The following RBM47 variants were observed in gnomAD, a reference collection of about 807,000 sequenced individuals.
RBM47 encodes RNA binding motif protein 47.
RBM47 carries 21 observed loss-of-function variants against 47.1 expected under a neutral mutation model. The ratio of observed to expected loss-of-function variants is 0.45; its 90% CI spans 0.32 to 0.64. RBM47 has a LOEUF of 0.64. Ranked by LOEUF, RBM47 falls within the 30% of genes least tolerant of loss-of-function variation. The pLI is 0.05. For synonymous variants in RBM47, 375 were observed against 361.7 expected, an observed-to-expected ratio of 1.04 and a Z score of -0.42; for missense variants, 708 against 870.9, an observed-to-expected ratio of 0.81 and a Z score of 2.35.
At chr4:40,427,448 T>C (rs1271447056) in intron 6 of RBM47, 1 of 152,218 alleles carries the variant, frequency 6.6e-6, no homozygotes, top group Non-Finnish European at 1.5e-5. Flanking sequence ...ACATAAGATG[T>C]TTTCAGAACA....
At chr4:40,560,634 C>A (rs1730518799) in intron 1 of RBM47, among the ~76,000 whole-genome samples, 1 of 152,170 alleles carries the variant, frequency 6.6e-6, no homozygotes, top group Non-Finnish European at 1.5e-5. Flanking sequence ...ATGATGCAGC[C>A]ATCTATGCCC....
intron 1 of RBM47, among the ~76,000 whole-genome samples, chr4:40,545,622 C>T (rs1053953811): frequency 2.4e-4 from 34 of 144,634 alleles, no homozygotes; most frequent in African/African-American, 6.4e-4. Flanking sequence ...CAAGATCACG[C>T]GATTGCTCTC....
At chr4:40,625,284 GAAAC>G in intron 1 of RBM47, among the ~76,000 whole-genome samples, 2 of 152,098 alleles carry the variant, frequency 1.3e-5, no homozygotes, top group Non-Finnish European at 2.9e-5. Flanking sequence ...TGATCTAAGA[GAAAC>G]AACACCTGAA....
In RBM47 at chr4:40,435,663, A is replaced by G. The variant is rs139905063; in HGVS notation, c.1330+778T>C. Among the ~76,000 whole-genome samples, 101 of 152,290 alleles carry G rather than the reference A, an allele frequency of 6.6e-4. No homozygotes were observed. In the Middle Eastern group the frequency reaches 0.01, roughly 15 times the overall value. On this transcript the variant is annotated intron_variant, in intron 5 of 6. Transcript: ENST00000295971. Reference sequence around the variant, plus strand: ...TGAAGGGGAATTTTCTGCCCTTCCAAACAACTCTCAGAATGGGGCAATAAG... The same window carrying G: ...TGAAGGGGAATTTTCTGCCCTTCCAGACAACTCTCAGAATGGGGCAATAAG...
chr4:40,507,578 G>A (rs931342148), intron 2 of RBM47, among the ~76,000 whole-genome samples: 6 of 152,106 alleles, frequency 3.9e-5, no homozygotes, highest in African/African-American at 9.7e-5. Flanking sequence ...CATGAAGTCA[G>A]GAATTCAAGA....
chr4:40,596,215 A>C (rs2154276287), intron 1 of RBM47, among the ~76,000 whole-genome samples: 1 of 152,370 alleles, frequency 6.6e-6, no homozygotes, highest in East Asian at 1.9e-4. Flanking sequence ...GGGAAAAGGA[A>C]GAGCAAGAGG....
At chr4:40,536,290 G>A (rs1482548309) in intron 2 of RBM47, among the ~76,000 whole-genome samples, 2 of 152,082 alleles carry the variant, frequency 1.3e-5, no homozygotes, top group Admixed American at 6.6e-5. Flanking sequence ...AGTGCAGCCC[G>A]GGATGAGGCC....
In RBM47 at chr4:40,443,717, CAAAAAAAAAAAAAAAAAAAAAA is replaced by C. The variant is rs10581870; in HGVS notation, c.-31-4815_-31-4794del. ...GGGCAACAAGAGTGAAACTCCTTCT[CAAAAAAAAAAAAAAAAAAAAAA>C]AAAAAAAAAAAAAGGTACACTGACT... On this transcript the variant is annotated intron_variant, in intron 3 of 6. Coordinates refer to ENST00000295971, the MANE Select transcript of RBM47 (RefSeq NM_001098634.2). 5.5e-3 allele frequency among the ~76,000 whole-genome samples: 263 copies of C among 47,778 alleles called. 8 individuals carry two copies. In the East Asian group the frequency reaches 0.1, roughly 18 times the overall value. 31.3% of individuals were successfully genotyped at this position (47,778 alleles called of 152,430 possible).
At chr4:40,598,413 G>A (rs1187334004) in intron 1 of RBM47, among the ~76,000 whole-genome samples, 3 of 151,992 alleles carry the variant, frequency 2.0e-5, no homozygotes, top group Non-Finnish European at 4.4e-5. Context: ...TGCCCAGCTA[G>A]TCTTTGTATT....
intron 5 of RBM47, among the ~76,000 whole-genome samples, chr4:40,435,360 G>A (rs1209180648): frequency 4.6e-5 from 7 of 152,048 alleles, no homozygotes; most frequent in Non-Finnish European, 2.9e-5. Context: ...AACAGCCTGG[G>A]CAATGTGGTG....
intron 1 of RBM47, among the ~76,000 whole-genome samples, chr4:40,549,954 G>C (rs1729406298): frequency 6.6e-6 from 1 of 152,308 alleles, no homozygotes; most frequent in Non-Finnish European, 1.5e-5. Flanking sequence ...ACAGGTGTGA[G>C]CCACCGTGCG....
At chr4:40,517,175 C>T (rs2154255171) in intron 2 of RBM47, among the ~76,000 whole-genome samples, 1 of 150,418 alleles carries the variant, frequency 6.6e-6, no homozygotes, top group East Asian at 2.0e-4. Context: ...CGCCCTCTTG[C>T]CCAGGCTGGA....
intron 1 of RBM47, among the ~76,000 whole-genome samples, chr4:40,574,507 C>T (rs1031945674): frequency 6.6e-6 from 1 of 152,114 alleles, no homozygotes; most frequent in Non-Finnish European, 1.5e-5. Context: ...TAGGTAATCA[C>T]AAGATTATAG....
At chr4:40,470,087 T>A (rs1281032790) in intron 2 of RBM47, among the ~76,000 whole-genome samples, 1 of 152,164 alleles carries the variant, frequency 6.6e-6, no homozygotes, top group Non-Finnish European at 1.5e-5. Flanking sequence ...AACCTTTGAT[T>A]TTACTATGGA....
At chr4:40,586,262 T>C (rs931104294) in intron 1 of RBM47, among the ~76,000 whole-genome samples, 2 of 152,172 alleles carry the variant, frequency 1.3e-5, no homozygotes, top group Non-Finnish European at 2.9e-5. Flanking sequence ...TGTTGAGTCA[T>C]GGAGGTTGTG....
intron 2 of RBM47, among the ~76,000 whole-genome samples, chr4:40,502,307 T>C (rs1560425145): frequency 3.9e-5 from 6 of 152,160 alleles, no homozygotes; most frequent in Admixed American, 2.0e-4. Flanking sequence ...GATGTGTCCT[T>C]GTTATTCTGT....
chr4:40,475,132 A>G (rs1387631608), intron 2 of RBM47, among the ~76,000 whole-genome samples: 1 of 152,218 alleles, frequency 6.6e-6, no homozygotes, highest in Admixed American at 6.5e-5. Context: ...CATTTCATAA[A>G]TTTAACTATT....
chr4:40,593,400 G>A (rs1168579101), intron 1 of RBM47, among the ~76,000 whole-genome samples: 1 of 152,072 alleles, frequency 6.6e-6, no homozygotes, highest in Non-Finnish European at 1.5e-5. Context: ...ACCTTCAGTA[G>A]GGAGGCCCCT....
intron 2 of RBM47, among the ~76,000 whole-genome samples, chr4:40,467,295 C>CTT (rs969519569): frequency 6.9e-6 from 1 of 145,330 alleles, no homozygotes; most frequent in Non-Finnish European, 1.5e-5. Context: ...AGGTAAGACT[C>CTT]TTTTTTTTTT....
Sources: gnomAD v4.1 joint callset for allele counts (sites outside exome capture counted in the v4.1 genomes callset) on GRCh38, gnomAD v4.1.1 for gene constraint, MANE v1.5 for transcripts, NCBI Gene and HGNC (gene_info 2026-07-23, HGNC 2026-07-21) for gene names.